The following ARL17A variants were observed in gnomAD, a reference collection of about 807,000 sequenced individuals.
ARL17A encodes ADP-ribosylation factor-like 17-like.
At chr17:46,550,325 A>G (rs2056636043), downstream of ARL17A, 1 of 343,318 alleles carries the variant, frequency 2.9e-6, no homozygotes, top group Non-Finnish European at 5.6e-6. Flanking sequence ...AAAAAATAAA[A>G]AAGAACCTGT....
the ARL17A span, among the ~76,000 whole-genome samples, chr17:46,511,192 AAAG>A: frequency 3.1e-5 from 4 of 127,584 alleles, no homozygotes; most frequent in Admixed American, 2.4e-4. Context: ...TTTTTTAAAA[AAAG>A]GAGCAAAAGT....
At chr17:46,535,157 G>C (rs1362649749) in intron 4 of ARL17A, among the ~76,000 whole-genome samples, 4 of 149,008 alleles carry the variant, frequency 2.7e-5, no homozygotes. Flanking sequence ...AGCCTCCCAA[G>C]GTACTGGGAG....
chr17:46,569,294 C>T (rs1347998891), intron 3 of ARL17A, among the ~76,000 whole-genome samples: 1 of 149,580 alleles, frequency 6.7e-6, no homozygotes, highest in South Asian at 2.1e-4. Context: ...GGACTAGGTG[C>T]TAGATATTAA....
At chr17:46,537,020 G>T (rs1211796147) in intron 4 of ARL17A, among the ~76,000 whole-genome samples, 1 of 53,296 alleles carries the variant, frequency 1.9e-5, no homozygotes, top group Non-Finnish European at 3.1e-5. Context: ...ATGCTCCTTG[G>T]GTTGCTGCAA....
chr17:46,568,683 T>TGG (rs1275921057), intron 3 of ARL17A, among the ~76,000 whole-genome samples: 1 of 97,396 alleles, frequency 1.0e-5, no homozygotes, highest in Non-Finnish European at 1.9e-5. Context: ...TATGCACCTG[T>TGG]GGTCCCAGCT....
intron 4 of ARL17A, among the ~76,000 whole-genome samples, chr17:46,537,081 T>A (rs1283020177): frequency 3.7e-3 from 3 of 814 alleles, no homozygotes; most frequent in African/African-American, 5.1e-3. Flanking sequence ...TGGTCAATTT[T>A]TTTTTTTTTT....
intron 3 of ARL17A, among the ~76,000 whole-genome samples, chr17:46,541,538 C>T (rs1404390331): frequency 1.3e-5 from 2 of 150,624 alleles, no homozygotes; most frequent in East Asian, 3.9e-4. Context: ...AGATAAGATC[C>T]ACCTTGCCTG....
chr17:46,533,867 A>G (rs1641107540), intron 4 of ARL17A, among the ~76,000 whole-genome samples: 2 of 99,710 alleles, frequency 2.0e-5, no homozygotes, highest in Non-Finnish European at 3.7e-5. Flanking sequence ...TTCTAGCAAC[A>G]AAGTCTCTCA....
chr17:46,502,880 T>A, the ARL17A span, among the ~76,000 whole-genome samples: 8 of 150,866 alleles, frequency 5.3e-5, no homozygotes, highest in East Asian at 1.9e-4. Context: ...GTGACTCATG[T>A]TACAGGCTGG....
At position 46,541,311 on chromosome 17, in the gene ARL17A, G is replaced by T. The variant is rs1028452968; in HGVS notation, c.260-2885C>A. ...CTGTCGCCCAGGCTGCAGTGCAGCGGCATGACCTAGGCTCACTGCAACCTC... is the reference window on the plus strand; with the variant it reads ...CTGTCGCCCAGGCTGCAGTGCAGCGTCATGACCTAGGCTCACTGCAACCTC... On this transcript the variant is annotated intron_variant, in intron 3 of 4. Transcript: ENST00000329240. Among the ~76,000 whole-genome samples the T allele has an allele frequency of 4.0e-5, 6 of 150,020 alleles. 1 individual carries two copies. The highest frequency in any genetic ancestry group is 1.5e-4 in the African/African-American group (6 of 39,586).
chr17:46,558,220 C>T (rs867338688), intron 3 of ARL17A, among the ~76,000 whole-genome samples: 8 of 102,736 alleles, frequency 7.8e-5, no homozygotes, highest in African/African-American at 3.6e-4. Context: ...CCACCATGCC[C>T]GGCTAATTTT....
chr17:46,548,743 G>A (rs199829673), downstream of ARL17A: 566 of 1,610,408 alleles, frequency 3.5e-4, 3 homozygotes, highest in East Asian at 1.2e-3. Context: ...GAACGCTGCC[G>A]AAGAAAAAAG....
At chr17:46,545,742 ATTG>A (rs1295189961) in intron 3 of ARL17A, among the ~76,000 whole-genome samples, 5 of 137,768 alleles carry the variant, frequency 3.6e-5, no homozygotes, top group East Asian at 2.1e-4. Flanking sequence ...GTGGTAACTT[ATTG>A]TTGTTATTCT....
chr17:46,500,467 ATTACT>A, the ARL17A span, among the ~76,000 whole-genome samples: 1 of 149,394 alleles, frequency 6.7e-6, no homozygotes, highest in Non-Finnish European at 1.5e-5. Flanking sequence ...TGCATTTGGG[ATTACT>A]TTAAACAATT....
At chr17:46,528,642 T>C (rs2053142753), downstream of ARL17A, 1 of 526,770 alleles carries the variant, frequency 1.9e-6, no homozygotes, top group South Asian at 2.1e-5. Context: ...ATCACTTGAC[T>C]CCAGGAGGTG....
chr17:46,502,906 TCAA>T, the ARL17A span, among the ~76,000 whole-genome samples: 1 of 150,718 alleles, frequency 6.6e-6, no homozygotes, highest in Admixed American at 6.6e-5. Context: ...GTGGTAGCAC[TCAA>T]CGTTTAAAAA....
At position 46,554,391 on chromosome 17, in the gene ARL17A, C is replaced by T. The variant is rs994953115; in HGVS notation, c.*2965G>A. On this transcript the variant is annotated 3_prime_UTR_variant, in exon 4 of 4. Transcript: ENST00000336125. ...GCAGGGAGCCAAGATAGCACCATTG[C>T]ACTCCAGCCTGGGGAATGAGCCAAA... 5.9e-5 allele frequency: 3 copies of T among 51,010 alleles called. No homozygotes were observed. Among genetic ancestry groups the T allele is most frequent in the African/African-American group, 5.1e-4 (3 of 5,932 alleles). 3.2% of individuals were successfully genotyped at this position (51,010 alleles called of 1,614,324 possible). A position where few individuals can be genotyped will look rare whatever the true frequency, so the allele number is the denominator to read the frequency against.
chr17:46,553,327 A>C lies in ARL17A; in HGVS notation c.*4029T>G. The C allele has an allele frequency of 6.2e-7, 1 of 1,606,446 alleles. No homozygotes were observed. Among genetic ancestry groups the C allele is most frequent in the South Asian group, 1.1e-5 (1 of 90,826 alleles). ...GGTAGATGAGACTTATAATGAATAA[A>C]AGGAATCAATACAGATTTGGAGACG... On this transcript the variant is annotated 3_prime_UTR_variant, in exon 4 of 4. Transcript: ENST00000336125.
intron 2 of ARL17A, among the ~76,000 whole-genome samples, chr17:46,575,719 C>G (rs2057785740): frequency 3.9e-5 from 2 of 50,828 alleles, no homozygotes; most frequent in South Asian, 1.6e-3. Flanking sequence ...GAGGCTCATG[C>G]CTGTAATCCC....
Sources: gnomAD v4.1 joint callset for allele counts (sites outside exome capture counted in the v4.1 genomes callset) on GRCh38, gnomAD v4.1.1 for gene constraint, MANE v1.5 for transcripts, NCBI Gene and HGNC (gene_info 2026-07-23, HGNC 2026-07-21) for gene names.